CDK6: variants seen among roughly 807,000 people sequenced by gnomAD.
The protein encoded by CDK6 is cyclin-dependent kinase 6.
CDK6 carries 6 observed loss-of-function variants against 37.1 expected under a neutral mutation model. The observed-to-expected ratio is 0.16, with a 90% CI of 0.09 to 0.32. The LOEUF is 0.32. Ranked by LOEUF, CDK6 falls within the 10% of genes least tolerant of loss-of-function variation. The pLI is 1.00. For synonymous variants in CDK6, 160 were observed against 161.3 expected, an observed-to-expected ratio of 0.99 and a Z score of 0.06; for missense variants, 224 against 418.9, an observed-to-expected ratio of 0.53 and a Z score of 4.06.
intron 5 of CDK6, among the ~76,000 whole-genome samples, chr7:92,627,887 CTGCTAAATA>C (rs1237847768): frequency 1.3e-5 from 2 of 151,572 alleles, no homozygotes; most frequent in Admixed American, 1.3e-4. Flanking sequence ...GGTAAAAAAA[CTGCTAAATA>C]TTTGGAAACC....
At chr7:92,682,435 C>G (rs1797359336) in intron 4 of CDK6, among the ~76,000 whole-genome samples, 1 of 152,152 alleles carries the variant, frequency 6.6e-6, no homozygotes, top group African/African-American at 2.4e-5. Context: ...TCTTCACAAC[C>G]CCATTCTTAA....
At chr7:92,774,226 G>A (rs529128599) in intron 3 of CDK6, among the ~76,000 whole-genome samples, 30 of 152,144 alleles carry the variant, frequency 2.0e-4, no homozygotes, top group African/African-American at 7.0e-4. Context: ...GAAAGAAGGA[G>A]GGCCTAACAA....
rs1422224901 is a variant in CDK6 at position 92,752,708 on chromosome 7, A to T, written c.369+21988T>A. Among the ~76,000 whole-genome samples, 5 of 152,336 alleles carry T rather than the reference A, an allele frequency of 3.3e-5. No homozygotes were observed. In the East Asian group the frequency reaches 9.6e-4, roughly 29 times the overall value. ...CATACAGACATATGACTACCAAAGCAGTTCATCATGATTGATGTTATTATT... is the reference window on the plus strand; with the variant it reads ...CATACAGACATATGACTACCAAAGCTGTTCATCATGATTGATGTTATTATT... On this transcript the variant is annotated intron_variant, in intron 3 of 7. Transcript: ENST00000424848.
At chr7:92,760,506 G>T (rs1799427306) in intron 3 of CDK6, among the ~76,000 whole-genome samples, 1 of 152,110 alleles carries the variant, frequency 6.6e-6, no homozygotes, top group African/African-American at 2.4e-5. Context: ...TTCTGTAATA[G>T]AGGGCATTCC....
chr7:92,652,169 C>A (rs1796590597), intron 5 of CDK6, among the ~76,000 whole-genome samples: 1 of 152,160 alleles, frequency 6.6e-6, no homozygotes, highest in African/African-American at 2.4e-5. Flanking sequence ...TAGAGAAATG[C>A]ATGTTAAGAA....
At chr7:92,819,060 G>T in intron 2 of CDK6, among the ~76,000 whole-genome samples, 1 of 152,032 alleles carries the variant, frequency 6.6e-6, no homozygotes, top group Middle Eastern at 3.4e-3. Flanking sequence ...TCTACCTGTA[G>T]GTATTTACCA....
At chr7:92,689,756 G>A (rs1797557945) in intron 4 of CDK6, among the ~76,000 whole-genome samples, 1 of 152,148 alleles carries the variant, frequency 6.6e-6, no homozygotes, top group Non-Finnish European at 1.5e-5. Flanking sequence ...CACCAACAAT[G>A]TATAAGCATT....
rs1173496357 is a variant in CDK6, at chr7:92,605,084, A to G, written c.*10056T>C. ...TTGCTACCAATATTTTTATTGTAAG[A>G]AATACAAAAGGTATTACAAATATAC... On this transcript the variant is annotated 3_prime_UTR_variant, in exon 8 of 8. Coordinates refer to ENST00000424848, the MANE Select transcript of CDK6 (RefSeq NM_001145306.2). The G allele has an allele frequency of 4.3e-6, 1 of 231,572 alleles. No homozygotes were observed. Among genetic ancestry groups the G allele is most frequent in the African/African-American group, 2.2e-5 (1 of 45,270 alleles). The allele number at this position is 231,572 out of a possible 1,614,324, so 14.3% of individuals were successfully genotyped here.
At chr7:92,777,982 A>T (rs1190636939) in intron 2 of CDK6, among the ~76,000 whole-genome samples, 1 of 151,958 alleles carries the variant, frequency 6.6e-6, no homozygotes, top group African/African-American at 2.4e-5. Context: ...GACCTCTGTT[A>T]AACTTTTAAT....
At chr7:92,735,643 T>G (rs1562950985) in intron 3 of CDK6, among the ~76,000 whole-genome samples, 1 of 152,242 alleles carries the variant, frequency 6.6e-6, no homozygotes, top group Non-Finnish European at 1.5e-5. Flanking sequence ...GCAATGCATC[T>G]TTATATTCTC....
intron 4 of CDK6, among the ~76,000 whole-genome samples, chr7:92,712,454 G>C (rs1386936477): frequency 6.6e-6 from 1 of 152,110 alleles, no homozygotes; most frequent in African/African-American, 2.4e-5. Context: ...GAAAAAATTT[G>C]ATGCCTTTAA....
At chr7:92,639,557 G>T (rs957263503) in intron 5 of CDK6, among the ~76,000 whole-genome samples, 1 of 152,216 alleles carries the variant, frequency 6.6e-6, no homozygotes, top group Non-Finnish European at 1.5e-5. Context: ...GCACCACCAT[G>T]CTGCGGCACC....
chr7:92,683,443 A>G (rs925566011), intron 4 of CDK6, among the ~76,000 whole-genome samples: 1 of 152,202 alleles, frequency 6.6e-6, no homozygotes, highest in Non-Finnish European at 1.5e-5. Flanking sequence ...ATAGTTTTAA[A>G]ATCCAAGTTC....
chr7:92,795,675 G>A (rs567467796), intron 2 of CDK6, among the ~76,000 whole-genome samples: 8 of 152,160 alleles, frequency 5.3e-5, no homozygotes, highest in South Asian at 4.1e-4. Context: ...ACATTCAGTC[G>A]TGCTATTTCT....
At chr7:92,699,468 A>G (rs1383400757) in intron 4 of CDK6, among the ~76,000 whole-genome samples, 1 of 152,204 alleles carries the variant, frequency 6.6e-6, no homozygotes. Context: ...ACATTTTTCT[A>G]CTAAACCAAA....
chr7:92,671,409 C>T lies in CDK6; in HGVS notation c.647+17G>A. ...TCTTTTCAAGGAAAGCAGAGTGAAA[C>T]AAAATGTATTTCTTACTTTCTACGA... On this transcript the variant is annotated intron_variant, in intron 5 of 7. Transcript: ENST00000424848. The T allele has an allele frequency of 6.8e-7, 1 of 1,462,178 alleles. No homozygotes were observed. Among genetic ancestry groups the T allele is most frequent in the Non-Finnish European group, 9.3e-7 (1 of 1,080,962 alleles). 90.6% of individuals were successfully genotyped at this position (1,462,178 alleles called of 1,614,324 possible).
chr7:92,779,864 A>T (rs980142197), intron 2 of CDK6, among the ~76,000 whole-genome samples: 14 of 152,376 alleles, frequency 9.2e-5, no homozygotes, highest in African/African-American at 3.4e-4. Flanking sequence ...TAGAAATGCT[A>T]GACTATAATA....
At chr7:92,682,975 T>C (rs1288013775) in intron 4 of CDK6, among the ~76,000 whole-genome samples, 1 of 152,268 alleles carries the variant, frequency 6.6e-6, no homozygotes, top group African/African-American at 2.4e-5. Flanking sequence ...AAACGTCTAT[T>C]ATGTTTAAAG....
chr7:92,716,151 T>C (rs1219667239), intron 4 of CDK6, among the ~76,000 whole-genome samples: 2 of 152,232 alleles, frequency 1.3e-5, no homozygotes, highest in African/African-American at 4.8e-5. Context: ...TGGATGCTTA[T>C]AATTGATGAT....
Sources: gnomAD v4.1 joint callset for allele counts (sites outside exome capture counted in the v4.1 genomes callset) on GRCh38, gnomAD v4.1.1 for gene constraint, MANE v1.5 for transcripts, NCBI Gene and HGNC (gene_info 2026-07-23, HGNC 2026-07-21) for gene names.